FGF12: variants seen among roughly 807,000 people sequenced by gnomAD.
FGF12 encodes fibroblast growth factor 12B.
In FGF12, 14 loss-of-function variants were observed where a neutral mutation model predicts 23.6. The observed-to-expected ratio is 0.59, with a 90% confidence interval of 0.39 to 0.93. The LOEUF is 0.93. Among genes scored for constraint, FGF12 ranks in the 40% least tolerant of loss-of-function variants. The probability of loss-of-function intolerance (pLI) is 0.00; values close to 1 mark genes in which losing one functional copy is unlikely to be tolerated. For synonymous variants in FGF12, 62 were observed against 77.3 expected (o/e 0.80, Z 1.04); for missense variants, 175 against 217.8 (o/e 0.80, Z 1.24).
chr3:192,576,776 A>G (rs147555375), intron 2 of FGF12, among the ~76,000 whole-genome samples: 92 of 152,342 alleles, frequency 6.0e-4, no homozygotes, highest in South Asian at 1.9e-3. Flanking sequence ...TTGCGGCACT[A>G]TTCACAATAG....
chr3:192,248,667 A>T (rs1560033792), intron 4 of FGF12, among the ~76,000 whole-genome samples: 1 of 152,092 alleles, frequency 6.6e-6, no homozygotes, highest in Non-Finnish European at 1.5e-5. Flanking sequence ...GGTCCCAGCT[A>T]CTCATGAGAC....
At chr3:192,241,196 T>C (rs1431799818) in intron 4 of FGF12, among the ~76,000 whole-genome samples, 1 of 152,158 alleles carries the variant, frequency 6.6e-6, no homozygotes, top group Non-Finnish European at 1.5e-5. Flanking sequence ...GGAAAGACTA[T>C]ATAAAAAGAT....
At chr3:192,320,722 A>G (rs1397045409) in intron 4 of FGF12, among the ~76,000 whole-genome samples, 1 of 152,162 alleles carries the variant, frequency 6.6e-6, no homozygotes, top group Non-Finnish European at 1.5e-5. Flanking sequence ...TTTCTTACTC[A>G]ATAAAGAAAT....
intron 2 of FGF12, among the ~76,000 whole-genome samples, chr3:192,497,270 A>G (rs1723986051): frequency 6.6e-6 from 1 of 152,126 alleles, no homozygotes; most frequent in African/African-American, 2.4e-5. Flanking sequence ...TTTCTCTCAA[A>G]TCCCGCTGTC....
At chr3:192,254,267 T>C (rs969814301) in intron 4 of FGF12, among the ~76,000 whole-genome samples, 4 of 151,822 alleles carry the variant, frequency 2.6e-5, no homozygotes, top group African/African-American at 9.7e-5. Flanking sequence ...TGAGATCATG[T>C]GGTATTTGTC....
chr3:192,464,478 T>C (rs1722951121), intron 2 of FGF12, among the ~76,000 whole-genome samples: 1 of 151,280 alleles, frequency 6.6e-6, no homozygotes, highest in Non-Finnish European at 1.5e-5. Context: ...CATTCCTTTT[T>C]AGGGCTGAGT....
chr3:192,469,161 C>T (rs1723089955), intron 2 of FGF12, among the ~76,000 whole-genome samples: 1 of 152,130 alleles, frequency 6.6e-6, no homozygotes, highest in Admixed American at 6.6e-5. Flanking sequence ...TGACATTTTC[C>T]CTTCCCCAGC....
intron 2 of FGF12, among the ~76,000 whole-genome samples, chr3:192,686,815 ATTTTTTTTT>A (rs57045697): frequency 3.4e-4 from 21 of 61,436 alleles, no homozygotes; most frequent in Non-Finnish European, 4.1e-4. Context: ...TTTTTCTCTA[ATTTTTTTTT>A]TTTTTTTTTT....
chr3:192,411,127 AC>A (rs1721186329), intron 2 of FGF12, among the ~76,000 whole-genome samples: 1 of 152,150 alleles, frequency 6.6e-6, no homozygotes, highest in African/African-American at 2.4e-5. Flanking sequence ...TGGATGTGGG[AC>A]CCAGAGGGAA....
Position 192,415,465 on chromosome 3 carries a change from A to G in FGF12, c.14-54927T>C, listed in dbSNP as rs531852401. ...ATCAATCCATCCACCCAGATTTTTG[A>G]GCCAAATAGATGCATGGGTCATCCC... On this transcript the variant is annotated intron_variant, in intron 2 of 5. Transcript: ENST00000445105. 7.9e-5 allele frequency among the ~76,000 whole-genome samples: 12 copies of G among 152,264 alleles called. No individual in the cohort carries two copies. In the East Asian group the frequency reaches 2.1e-3, roughly 27 times the overall value.
chr3:192,627,537 G>A (rs919604675), intron 2 of FGF12, among the ~76,000 whole-genome samples: 2 of 152,168 alleles, frequency 1.3e-5, no homozygotes, highest in African/African-American at 2.4e-5. Flanking sequence ...ACTCCCATCA[G>A]TACAGTATAG....
chr3:192,177,356 G>GTAAC (rs1282709407), intron 4 of FGF12, among the ~76,000 whole-genome samples: 15 of 152,304 alleles, frequency 9.8e-5, no homozygotes, highest in Non-Finnish European at 7.4e-5. Context: ...CTTTGATATT[G>GTAAC]TAACTTTAAA....
intron 2 of FGF12, among the ~76,000 whole-genome samples, chr3:192,661,139 T>C (rs919706164): frequency 8.6e-5 from 13 of 151,782 alleles, no homozygotes; most frequent in Non-Finnish European, 2.9e-5. Context: ...TCTAAAATTA[T>C]TAAGGGACCT....
intron 4 of FGF12, among the ~76,000 whole-genome samples, chr3:192,191,765 G>C (rs1005097391): frequency 1.3e-5 from 2 of 151,974 alleles, no homozygotes; most frequent in African/African-American, 4.8e-5. Flanking sequence ...GAACCCGGGA[G>C]GTGGAGCTTG....
At chr3:192,161,623 CTAAG>C (rs989974294) in intron 5 of FGF12, among the ~76,000 whole-genome samples, 3 of 151,882 alleles carry the variant, frequency 2.0e-5, no homozygotes, top group Non-Finnish European at 4.4e-5. Context: ...CTGTATACAC[CTAAG>C]TGAGTTAACC....
intron 4 of FGF12, among the ~76,000 whole-genome samples, chr3:192,239,436 C>T (rs995869423): frequency 1.3e-5 from 2 of 152,096 alleles, no homozygotes; most frequent in African/African-American, 4.8e-5. Flanking sequence ...GGGACAAAGC[C>T]GTTAATTATG....
intron 2 of FGF12, among the ~76,000 whole-genome samples, chr3:192,611,932 A>C (rs773086151): frequency 5.9e-5 from 9 of 152,004 alleles, no homozygotes; most frequent in African/African-American, 1.9e-4. Context: ...TCAGTGTTTT[A>C]GGGAATCTCT....
intron 2 of FGF12, among the ~76,000 whole-genome samples, chr3:192,474,368 G>C (rs1407352930): frequency 2.6e-5 from 4 of 152,086 alleles, no homozygotes; most frequent in African/African-American, 9.7e-5. Flanking sequence ...TTTAATCATA[G>C]GACACTGGCT....
At chr3:192,711,173 T>C (rs1718654232) in intron 2 of FGF12, among the ~76,000 whole-genome samples, 1 of 152,210 alleles carries the variant, frequency 6.6e-6, no homozygotes, top group Non-Finnish European at 1.5e-5. Context: ...AAAAGCTTAC[T>C]GGAAACAGAG....
Sources: gnomAD v4.1 joint callset for allele counts (sites outside exome capture counted in the v4.1 genomes callset) on GRCh38, gnomAD v4.1.1 for gene constraint, MANE v1.5 for transcripts, NCBI Gene and HGNC (gene_info 2026-07-23, HGNC 2026-07-21) for gene names.